Variants in PEX5L observed in about 807,000 individuals in gnomAD.
PEX5L encodes the protein peroxisomal biogenesis factor 5 like, also known as PEX5-related protein.
Under a neutral mutation model 84.0 loss-of-function variants are expected in PEX5L, and 30 were observed. The ratio of observed to expected loss-of-function variants is 0.36; its 90% CI spans 0.27 to 0.48. PEX5L has a LOEUF of 0.48. PEX5L is among the 20% of genes least tolerant of loss of function. The pLI, the probability that PEX5L is intolerant of heterozygous loss-of-function variation, is 0.99. For missense variants in PEX5L, 533 were observed against 754.6 expected (o/e 0.71, Z 3.44); for synonymous variants, 270 against 283.1 (o/e 0.95, Z 0.46).
intron 2 of PEX5L, among the ~76,000 whole-genome samples, chr3:179,952,917 G>T (rs1362865408): frequency 2.0e-5 from 3 of 151,954 alleles, no homozygotes; most frequent in African/African-American, 7.3e-5. Context: ...TAGACCAATG[G>T]AACAGAACAG....
At chr3:179,843,391 G>A (rs990303563) in intron 8 of PEX5L, among the ~76,000 whole-genome samples, 1 of 152,158 alleles carries the variant, frequency 6.6e-6, no homozygotes, top group African/African-American at 2.4e-5. Flanking sequence ...AATGGCAGCC[G>A]AATTTGGGTA....
chr3:179,969,846 C>T (rs1784303523), intron 2 of PEX5L, among the ~76,000 whole-genome samples: 1 of 152,088 alleles, frequency 6.6e-6, no homozygotes, highest in Non-Finnish European at 1.5e-5. Flanking sequence ...CTCATTTGAT[C>T]CAGGTAATAA....
intron 2 of PEX5L, among the ~76,000 whole-genome samples, chr3:179,959,887 G>C (rs1396613485): frequency 6.6e-6 from 1 of 152,120 alleles, no homozygotes; most frequent in Non-Finnish European, 1.5e-5. Flanking sequence ...AGGTATTACT[G>C]TACTCAGTGT....
intron 2 of PEX5L, among the ~76,000 whole-genome samples, chr3:179,927,690 G>T (rs936060750): frequency 3.5e-4 from 53 of 152,046 alleles, no homozygotes; most frequent in African/African-American, 1.3e-3. Context: ...TCATCAATCT[G>T]CAAGGAATTG....
At chr3:179,932,040 A>G (rs1239262279) in intron 2 of PEX5L, among the ~76,000 whole-genome samples, 1 of 152,160 alleles carries the variant, frequency 6.6e-6, no homozygotes, top group African/African-American at 2.4e-5. Flanking sequence ...TCCTAATCTT[A>G]TTTAGAGTTA....
At chr3:179,895,450 T>C (rs1758947314) in intron 3 of PEX5L, 1 of 152,162 alleles carries the variant, frequency 6.6e-6, no homozygotes, top group African/African-American at 2.4e-5. Flanking sequence ...CTTTTTTACA[T>C]ACTATTTGAT....
At chr3:179,994,188 C>T (rs1303861445) in intron 1 of PEX5L, among the ~76,000 whole-genome samples, 1 of 152,168 alleles carries the variant, frequency 6.6e-6, no homozygotes, top group Admixed American at 6.5e-5. Context: ...CTATCACAAG[C>T]CGAGCCATTC....
intron 8 of PEX5L, among the ~76,000 whole-genome samples, chr3:179,842,082 T>A (rs1344943608): frequency 6.6e-6 from 1 of 152,248 alleles, no homozygotes; most frequent in East Asian, 1.9e-4. Flanking sequence ...CAAACTGGAA[T>A]AATTTTGCTG....
At chr3:179,814,200 A>G (rs1725155332) in intron 10 of PEX5L, among the ~76,000 whole-genome samples, 2 of 152,204 alleles carry the variant, frequency 1.3e-5, no homozygotes, top group African/African-American at 4.8e-5. Flanking sequence ...CCTTTTGAAC[A>G]AGATATTACA....
chr3:180,000,975 G>A (rs11712198), intron 1 of PEX5L, among the ~76,000 whole-genome samples: 274 of 152,288 alleles, frequency 1.8e-3, no homozygotes, highest in Non-Finnish European at 2.1e-3. Context: ...AGGATGCAAA[G>A]TATTGATCCT....
intron 2 of PEX5L, among the ~76,000 whole-genome samples, chr3:179,904,675 C>T (rs184325052): frequency 6.6e-6 from 1 of 152,262 alleles, no homozygotes; most frequent in East Asian, 1.9e-4. Context: ...TTAATTGTTA[C>T]AAAATAGTCC....
At position 179,840,161 on chromosome 3, in the gene PEX5L, T is replaced by TTGTG. The variant is rs1235556692; in HGVS notation, c.822+18897_822+18900dup. Among the ~76,000 whole-genome samples, 39 of 123,768 alleles carry TTGTG rather than the reference T, an allele frequency of 3.2e-4. 1 individual carries two copies. Among genetic ancestry groups the TTGTG allele is most frequent in the African/African-American group, 4.7e-4 (14 of 29,648 alleles). The allele number at this position is 123,768 out of a possible 152,430, so 81.2% of individuals were successfully genotyped here. On this transcript the variant is annotated intron_variant, in intron 8 of 14. Coordinates refer to ENST00000467460, the MANE Select transcript of PEX5L (RefSeq NM_016559.3). ...TGGAAAACTATCGTCAAGTTGTTTT[T>TTGTG]TGTGTGTGTGTGTGTGTGTGTGTTT...
At chr3:179,805,627 G>T (rs1721011741) in intron 14 of PEX5L, among the ~76,000 whole-genome samples, 2 of 152,256 alleles carry the variant, frequency 1.3e-5, no homozygotes, top group South Asian at 4.1e-4. Context: ...TGGGCCAATT[G>T]TACAGTAACA....
intron 1 of PEX5L, among the ~76,000 whole-genome samples, chr3:180,012,139 G>A (rs1444238090): frequency 6.6e-6 from 1 of 152,098 alleles, no homozygotes; most frequent in African/African-American, 2.4e-5. Context: ...TCTGCCCCAG[G>A]TTTGGTAAAT....
At chr3:179,928,658 G>A (rs190140433) in intron 2 of PEX5L, among the ~76,000 whole-genome samples, 67 of 152,254 alleles carry the variant, frequency 4.4e-4, no homozygotes, top group African/African-American at 1.3e-3. Context: ...ACCTACCACC[G>A]GAAGCACAGT....
chr3:179,936,582 T>A (rs1774693029), intron 2 of PEX5L, among the ~76,000 whole-genome samples: 1 of 36,572 alleles, frequency 2.7e-5, no homozygotes, highest in African/African-American at 1.0e-4. Flanking sequence ...CCTGTTAACT[T>A]TCCAGATAAA....
intron 7 of PEX5L, among the ~76,000 whole-genome samples, chr3:179,870,433 TAGCCCC>T (rs1749881775): frequency 6.7e-6 from 1 of 150,328 alleles, no homozygotes; most frequent in South Asian, 2.1e-4. Flanking sequence ...TTAAAAACCC[TAGCCCC>T]AAACTCCTCG....
intron 8 of PEX5L, among the ~76,000 whole-genome samples, chr3:179,849,186 A>T (rs563038593): frequency 6.6e-6 from 1 of 152,332 alleles, no homozygotes; most frequent in African/African-American, 2.4e-5. Context: ...CCTAAACTTT[A>T]TAACTTTTGT....
chr3:179,922,731 G>A (rs1436489515), intron 2 of PEX5L, among the ~76,000 whole-genome samples: 2 of 151,874 alleles, frequency 1.3e-5, no homozygotes, highest in Admixed American at 6.6e-5. Flanking sequence ...TGGGATTACA[G>A]CCGTGAGCCA....
Sources: gnomAD v4.1 joint callset for allele counts (sites outside exome capture counted in the v4.1 genomes callset) on GRCh38, gnomAD v4.1.1 for gene constraint, MANE v1.5 for transcripts, NCBI Gene and HGNC (gene_info 2026-07-23, HGNC 2026-07-21) for gene names.